The following SLC4A8 variants were observed in gnomAD, a reference collection of about 807,000 sequenced individuals.
SLC4A8 encodes solute carrier family 4 member 8.
SLC4A8 carries 40 observed loss-of-function variants against 125.0 expected under a neutral mutation model. The observed-to-expected ratio is 0.32, with a 90% CI of 0.25 to 0.42. SLC4A8 has a LOEUF of 0.42. Among genes scored for constraint, SLC4A8 ranks in the 10% least tolerant of loss-of-function variants. SLC4A8 has a pLI of 1.00. For missense variants in SLC4A8, 863 were observed against 1,355.1 expected (o/e 0.64, Z 5.70); for synonymous variants, 456 against 476.0 (o/e 0.96, Z 0.55).
chr12:51,485,791 G>A lies in SLC4A8; in HGVS notation c.2177G>A (p.Arg726His), dbSNP rs749258561. Residue 726 changes from arginine to histidine, a missense_variant, in exon 17 of 25, where the codon CGC becomes CAC. Arg to His is a conservative substitution (Grantham distance 29, BLOSUM62 0). Around this residue, in one of 6 missense-constraint regions of SLC4A8, gnomAD observed 197 missense variants for 377.7 expected, o/e 0.52. Transcript: ENST00000453097. The stretch of plus-strand genomic sequence containing the variant: ...TCCACTTCTTTCTCATGCCAGGTAC[G>A]CTCCATGGTGAGTGACTTTGCTGTT... Reference protein sequence around the residue: ...KTSRYFPTRVRSMVSDFAVFL... With the variant: ...KTSRYFPTRVHSMVSDFAVFL... 4 of 1,594,834 alleles carry A rather than the reference G, an allele frequency of 2.5e-6. No homozygotes were observed. Among genetic ancestry groups the A allele is most frequent in the Non-Finnish European group, 1.7e-6 (2 of 1,162,596 alleles).
At chr12:51,494,413 C>CTTTTTTTTTTTTT (rs11363276) in intron 20 of SLC4A8, 1 of 132,954 alleles carries the variant, frequency 7.5e-6, no homozygotes, top group Non-Finnish European at 1.6e-5. Flanking sequence ...TCTTTTTTTT[C>CTTTTTTTTTTTTT]TTTTTTTTTT....
intron 19 of SLC4A8, among the ~76,000 whole-genome samples, chr12:51,490,629 G>T (rs1034710737): frequency 6.6e-6 from 1 of 151,522 alleles, no homozygotes; most frequent in Non-Finnish European, 1.5e-5. Flanking sequence ...TGGCATGGAA[G>T]GAGGGGAGAA....
Position 51,470,417 on chromosome 12 carries a change from C to T in SLC4A8, c.1550C>T (p.Ala517Val). 1 of 1,613,966 alleles carries T rather than the reference C, an allele frequency of 6.2e-7. No homozygotes were observed. The change falls in exon 13 of 25, where the codon GCT (alanine) becomes GTT (valine). Residue 517 changes from alanine (A) to valine (V), a missense_variant. This residue lies in a region of SLC4A8 where 390 missense variants were observed against 634.4 expected (regional missense o/e 0.61). Coordinates refer to ENST00000453097, the MANE Select transcript of SLC4A8 (RefSeq NM_001039960.3). ...AGTGCAATTGAATCCTTGTTTGGAG[C>T]TTCCATGACTGGGATTGCTTATTCC... ...RISAIESLFG[A>V]SMTGIAYSLF...
At chr12:51,406,300 T>C (rs1051919925) in intron 1 of SLC4A8, among the ~76,000 whole-genome samples, 1 of 152,240 alleles carries the variant, frequency 6.6e-6, no homozygotes, top group Non-Finnish European at 1.5e-5. Flanking sequence ...ATTCTAAGTC[T>C]ATTCACAGTT....
intron 1 of SLC4A8, among the ~76,000 whole-genome samples, chr12:51,401,038 T>C (rs1045418411): frequency 2.3e-4 from 35 of 151,510 alleles, no homozygotes; most frequent in African/African-American, 3.6e-4. Context: ...GAAATCTCTA[T>C]GGAACATACA....
intron 1 of SLC4A8, among the ~76,000 whole-genome samples, chr12:51,433,673 A>G (rs899390528): frequency 6.6e-6 from 1 of 152,198 alleles, no homozygotes. Context: ...AGGAATCTGC[A>G]GCAAGCACAG....
In SLC4A8 at chr12:51,462,350, A is replaced by T; in HGVS notation, c.1142A>T (p.Asp381Val). ...GCATATAAGGCAAAAGAGCGAGATG[A>T]TCTCCTGGCGGGGATTGATGAGTTC... ...DVAYKAKERD[D>V]LLAGIDEFLD... Residue 381 changes from aspartate (D) to valine (V), a missense_variant, in exon 10 of 25, where the codon GAT becomes GTT. By Grantham distance (152) the Asp-to-Val change is radical. Transcript: ENST00000453097. The T allele has an allele frequency of 6.2e-7, 1 of 1,613,856 alleles. No individual in the cohort carries two copies. The highest frequency in any genetic ancestry group is 8.5e-7 in the Non-Finnish European group (1 of 1,179,862).
At chr12:51,445,360 A>G (rs1949740518) in intron 2 of SLC4A8, among the ~76,000 whole-genome samples, 1 of 152,026 alleles carries the variant, frequency 6.6e-6, no homozygotes, top group African/African-American at 2.4e-5. Context: ...TAGAGGTGGA[A>G]TCTTGCTGTG....
At chr12:51,469,504 A>T in intron 11 of SLC4A8, 110 bp from the exon 12 acceptor site, 1 of 945,022 alleles carries the variant, frequency 1.1e-6, no homozygotes. Flanking sequence ...ACTGAAGCCA[A>T]AGTCTTACCG....
At chr12:51,482,320 C>A (rs749773526) in intron 16 of SLC4A8, among the ~76,000 whole-genome samples, 2 of 151,896 alleles carry the variant, frequency 1.3e-5, no homozygotes, top group African/African-American at 2.4e-5. Context: ...ATAATTATTT[C>A]ACTTATTTTT....
intron 1 of SLC4A8, among the ~76,000 whole-genome samples, chr12:51,394,914 A>AGTTACTTCGG (rs1948227933): frequency 6.6e-6 from 1 of 152,212 alleles, no homozygotes; most frequent in African/African-American, 2.4e-5. Flanking sequence ...CTGTGGTCCC[A>AGTTACTTCGG]GTTACTTCGG....
intron 11 of SLC4A8, 77 bp from the exon 12 acceptor site, chr12:51,469,537 G>A: frequency 7.7e-7 from 1 of 1,293,752 alleles, no homozygotes; most frequent in Non-Finnish European, 1.1e-6. Flanking sequence ...CATTTGAAAT[G>A]CTTTCAAATG....
intron 17 of SLC4A8, 37 bp from the exon 18 acceptor site, chr12:51,488,662 A>T (rs374202545): frequency 6.4e-7 from 1 of 1,566,938 alleles, no homozygotes; most frequent in South Asian, 1.1e-5. Flanking sequence ...CAATGACTAT[A>T]ACTTAAAATA....
chr12:51,449,859 T>G (rs1298727586), intron 2 of SLC4A8, among the ~76,000 whole-genome samples: 3 of 152,008 alleles, frequency 2.0e-5, no homozygotes, highest in Non-Finnish European at 2.9e-5. Flanking sequence ...CGAGACCCCA[T>G]CTCTACAAAA....
At chr12:51,459,736 G>A (rs572364754) in intron 7 of SLC4A8, among the ~76,000 whole-genome samples, 6 of 152,080 alleles carry the variant, frequency 3.9e-5, no homozygotes, top group Non-Finnish European at 8.8e-5. Context: ...GCTGGACATG[G>A]TGGTGCATGC....
Position 51,446,886 on chromosome 12 carries a change from A to G in SLC4A8, c.131-3990A>G, listed in dbSNP as rs865844179. Among the ~76,000 whole-genome samples the G allele has an allele frequency of 5.9e-5, 9 of 152,388 alleles. No individual in the cohort carries two copies. The South Asian group carries it at 1.0e-3, about 18-fold the overall frequency. On this transcript the variant is annotated intron_variant, in intron 2 of 24. Coordinates refer to ENST00000453097, the MANE Select transcript of SLC4A8 (RefSeq NM_001039960.3). The stretch of plus-strand genomic sequence containing the variant: ...AAACACTGTGCTTGATTATGTAGGC[A>G]TTCTGAGAGAAACGTCTAACTTGGG...
intron 14 of SLC4A8, among the ~76,000 whole-genome samples, chr12:51,472,395 A>T (rs1646609591): frequency 6.6e-6 from 1 of 152,226 alleles, no homozygotes; most frequent in African/African-American, 2.4e-5. Context: ...TATTCTAGTT[A>T]TTCACTCATT....
At chr12:51,462,547 A>C in intron 10 of SLC4A8, 91 bp downstream of exon 10, 1 of 972,886 alleles carries the variant, frequency 1.0e-6, no homozygotes, top group Non-Finnish European at 1.5e-6. Context: ...TATGCTAAAT[A>C]TATCAAGATG....
intron 22 of SLC4A8, among the ~76,000 whole-genome samples, chr12:51,502,538 T>TC (rs1341907673): frequency 3.2e-5 from 1 of 31,508 alleles, no homozygotes; most frequent in Non-Finnish European, 6.7e-5. Context: ...GCCTGACCTC[T>TC]TTTTTTTTTT....
Sources: gnomAD v4.1 joint callset for allele counts (sites outside exome capture counted in the v4.1 genomes callset) on GRCh38, gnomAD v4.1.1 for gene constraint, gnomAD v4.1.1 regional missense constraint, MANE v1.5 for transcripts, NCBI Gene and HGNC (gene_info 2026-07-23, HGNC 2026-07-21) for gene names.